The following ABCA13 variants were observed in gnomAD, a reference collection of about 807,000 sequenced individuals.
ABCA13 encodes ATP binding cassette subfamily A member 13.
ABCA13 carries 476 observed loss-of-function variants against 478.7 expected under a neutral mutation model. The observed-to-expected ratio is 0.99, with a 90% CI of 0.92 to 1.07. ABCA13 has a LOEUF of 1.07. Among genes scored for constraint, ABCA13 ranks in the 50% least tolerant of loss-of-function variants. The pLI is 0.00. For missense variants in ABCA13, 6,060 were observed against 5,910.6 expected (o/e 1.03, Z -0.83); for synonymous variants, 2,252 against 2,158.9 (o/e 1.04, Z -1.20).
At chr7:48,219,301 G>A (rs568568893) in intron 3 of ABCA13, 53 bp from the exon 4 acceptor site, 9 of 1,541,028 alleles carry the variant, frequency 5.8e-6, no homozygotes, top group Non-Finnish European at 7.8e-6. Context: ...AAAATGCCAA[G>A]GAAACTTATT....
At chr7:48,391,273 C>T (rs1164179373) in intron 37 of ABCA13, among the ~76,000 whole-genome samples, 1 of 152,168 alleles carries the variant, frequency 6.6e-6, no homozygotes, top group Admixed American at 6.5e-5. Flanking sequence ...TAGCATGTTT[C>T]CTCATCTGTA....
chr7:48,285,024 C>T (rs1010242440), intron 19 of ABCA13, among the ~76,000 whole-genome samples: 1 of 152,138 alleles, frequency 6.6e-6, no homozygotes, highest in Non-Finnish European at 1.5e-5. Context: ...CTTTCCTTCT[C>T]CTGATCTAGT....
intron 42 of ABCA13, among the ~76,000 whole-genome samples, chr7:48,440,707 T>C (rs1823470145): frequency 6.6e-6 from 1 of 151,640 alleles, no homozygotes; most frequent in Non-Finnish European, 1.5e-5. Flanking sequence ...GTATTGCCTA[T>C]ATATATCCTC....
intron 43 of ABCA13, among the ~76,000 whole-genome samples, chr7:48,457,144 G>A (rs1453676517): frequency 6.6e-6 from 1 of 151,980 alleles, no homozygotes; most frequent in African/African-American, 2.4e-5. Flanking sequence ...AACTCTAAAA[G>A]TTTTGATAGT....
intron 27 of ABCA13, among the ~76,000 whole-genome samples, chr7:48,333,453 A>C (rs556654964): frequency 1.1e-4 from 17 of 152,276 alleles, no homozygotes; most frequent in Non-Finnish European, 1.0e-4. Context: ...ATTGGCATCA[A>C]TTGATTGCTT....
chr7:48,184,964 T>G (rs970832170), intron 1 of ABCA13, among the ~76,000 whole-genome samples: 2 of 152,174 alleles, frequency 1.3e-5, no homozygotes, highest in Non-Finnish European at 2.9e-5. Context: ...GCCCCCCAAG[T>G]AGCTGGGACT....
intron 55 of ABCA13, among the ~76,000 whole-genome samples, chr7:48,549,279 T>G (rs1281554038): frequency 2.0e-5 from 3 of 151,778 alleles, no homozygotes; most frequent in Non-Finnish European, 4.4e-5. Context: ...GTGTTCTCAT[T>G]GTTCAACTTC....
At chr7:48,363,561 T>A (rs1334242054) in intron 31 of ABCA13, among the ~76,000 whole-genome samples, 1 of 152,140 alleles carries the variant, frequency 6.6e-6, no homozygotes, top group Non-Finnish European at 1.5e-5. Context: ...TCAGGGAGTT[T>A]AATTGCCTGC....
intron 5 of ABCA13, 60 bp from the exon 6 acceptor site, chr7:48,227,197 TGTCTC>T: frequency 6.4e-7 from 1 of 1,569,016 alleles, no homozygotes; most frequent in South Asian, 1.1e-5. Context: ...AGCATCTGTC[TGTCTC>T]ATTTACTTTA....
chr7:48,468,890 C>T (rs1249573465), intron 44 of ABCA13, among the ~76,000 whole-genome samples: 5 of 152,112 alleles, frequency 3.3e-5, no homozygotes, highest in African/African-American at 4.8e-5. Context: ...TGTCTAAATC[C>T]GATCTAAAAT....
At chr7:48,604,471 C>T (rs1791258849) in intron 58 of ABCA13, among the ~76,000 whole-genome samples, 1 of 152,120 alleles carries the variant, frequency 6.6e-6, no homozygotes, top group Non-Finnish European at 1.5e-5. Context: ...TTTATTTCTG[C>T]CTTCATTTTG....
chr7:48,440,047 G>A lies in ABCA13; in HGVS notation c.12565+12176G>A, dbSNP rs1198641984. Among the ~76,000 whole-genome samples the A allele has an allele frequency of 1.3e-5, 2 of 152,018 alleles. 1 individual carries two copies. The highest frequency in any genetic ancestry group is 4.8e-5 in the African/African-American group (2 of 41,386). On this transcript the variant is annotated intron_variant, in intron 42 of 61. Transcript: ENST00000435803. ...ATTAGCCATTTGCATTTTCTCTTTG[G>A]TAACAATGTTTTTCCTTACCTTTAC...
At chr7:48,369,075 A>AT (rs1812228136) in intron 32 of ABCA13, among the ~76,000 whole-genome samples, 1 of 151,534 alleles carries the variant, frequency 6.6e-6, no homozygotes. Context: ...TTATTTTTTG[A>AT]TTTTTTTGAT....
intron 31 of ABCA13, among the ~76,000 whole-genome samples, chr7:48,354,199 C>T (rs1809518870): frequency 6.6e-6 from 1 of 151,982 alleles, no homozygotes; most frequent in Non-Finnish European, 1.5e-5. Flanking sequence ...TGACAATCTC[C>T]TTCTAGCTCC....
rs78495311 is a variant in ABCA13, at chr7:48,560,157, C to T, written c.14355-20067C>T. Among the ~76,000 whole-genome samples, 707 of 152,262 alleles carry T rather than the reference C, an allele frequency of 4.6e-3. 4 individuals are homozygous for T. The highest frequency in any genetic ancestry group is 0.016 in the African/African-American group (666 of 41,552). The stretch of plus-strand genomic sequence containing the variant: ...TACCTAGGACCCTAGAGCCCTTTAG[C>T]CAGAGATGGTAAGGCTTGCTGAAAC... On this transcript the variant is annotated intron_variant, in intron 55 of 61. Transcript: ENST00000435803.
chr7:48,212,623 G>C (rs1386809285), intron 3 of ABCA13, among the ~76,000 whole-genome samples: 1 of 152,048 alleles, frequency 6.6e-6, no homozygotes, highest in Non-Finnish European at 1.5e-5. Flanking sequence ...TTTAATTTTA[G>C]CCATTATACT....
chr7:48,366,753 A>G (rs948522659), intron 31 of ABCA13, among the ~76,000 whole-genome samples: 3 of 152,160 alleles, frequency 2.0e-5, no homozygotes, highest in African/African-American at 7.2e-5. Context: ...TAATCCATTC[A>G]TGAGTGTGGA....
At chr7:48,501,327 G>A (rs891727014) in intron 48 of ABCA13, among the ~76,000 whole-genome samples, 28 of 152,150 alleles carry the variant, frequency 1.8e-4, no homozygotes, top group Non-Finnish European at 4.0e-4. Flanking sequence ...ACATGGGAAT[G>A]TTAAGCCCCA....
chr7:48,645,478 C>T lies in ABCA13; in HGVS notation c.15143C>T (p.Thr5048Ile). 6.3e-7 allele frequency: 1 copy of T among 1,589,966 alleles called. No individual in the cohort carries two copies. Among genetic ancestry groups the T allele is most frequent in the Non-Finnish European group, 8.6e-7 (1 of 1,167,020 alleles). The change falls in exon 62 of 62, where the codon ACT (threonine) becomes ATT (isoleucine). Residue 5048 changes from threonine to isoleucine, a missense_variant. By Grantham distance (89) the Thr-to-Ile change is moderately conservative. This residue lies in a region of ABCA13 where 1,627 missense variants were observed against 1,571.0 expected (regional missense o/e 1.04). Transcript: ENST00000435803. The part of the protein sequence containing the change: ...QTLQSTLDPS[T>I]DSHHTHHLPI Reference sequence around the variant, plus strand: ...CTACAATCTACTCTTGATCCATCCACTGACAGTCACCACACACATCACTTG... The same window carrying T: ...CTACAATCTACTCTTGATCCATCCATTGACAGTCACCACACACATCACTTG...
Sources: allele counts gnomAD v4.1 joint callset (sites outside exome capture counted in the v4.1 genomes callset), GRCh38; gene constraint gnomAD v4.1.1; regional missense constraint gnomAD v4.1.1; transcripts MANE v1.5; gene names NCBI Gene and HGNC (gene_info 2026-07-23, HGNC 2026-07-21).